Variants in MRPL30 observed in about 807,000 individuals in gnomAD.
MRPL30 encodes large ribosomal subunit protein uL30m.
Under a neutral mutation model 17.2 loss-of-function variants are expected in MRPL30, and 10 were observed. The ratio of observed to expected loss-of-function variants is 0.58; its 90% CI spans 0.36 to 0.99. The LOEUF (loss-of-function observed/expected upper bound fraction) is 0.99, where lower values mean the gene tolerates loss of function less well. Among genes scored for constraint, MRPL30 ranks in the 50% least tolerant of loss-of-function variants. The pLI, the probability that MRPL30 is intolerant of heterozygous loss-of-function variation, is 0.01. For synonymous variants in MRPL30, 61 were observed against 62.1 expected (o/e 0.98, Z 0.08); for missense variants, 170 against 189.8 (o/e 0.90, Z 0.61).
rs2093954720 is a variant in MRPL30, at chr2:99,196,072, C to T, written c.*367C>T. ...CTCCAGCCTGGGTGATAGGATGAGA[C>T]TCCATCTCAGGGGAAAAAAAAAAAT... On this transcript the variant is annotated 3_prime_UTR_variant, in exon 6 of 6. Transcript: ENST00000338148. 5.0e-6 allele frequency: 1 copy of T among 199,506 alleles called. No individual in the cohort carries two copies. Among genetic ancestry groups the T allele is most frequent in the Admixed American group, 6.4e-5 (1 of 15,744 alleles). The allele number at this position is 199,506 out of a possible 1,614,324, so 12.4% of individuals were successfully genotyped here.
chr2:99,189,236 C>T (rs2093939816), intron 3 of MRPL30, among the ~76,000 whole-genome samples: 1 of 152,198 alleles, frequency 6.6e-6, no homozygotes, highest in Non-Finnish European at 1.5e-5. Flanking sequence ...CATGTATCCA[C>T]TATTACAGTA....
Position 99,196,285 on chromosome 2 carries a change from T to C in MRPL30, c.*580T>C, listed in dbSNP as rs1225144450. The C allele has an allele frequency of 6.5e-6, 1 of 153,026 alleles. No homozygotes were observed. The highest frequency in any genetic ancestry group is 1.9e-4 in the East Asian group (1 of 5,196). 9.5% of individuals were successfully genotyped at this position (153,026 alleles called of 1,614,324 possible). A position where few individuals can be genotyped will look rare whatever the true frequency, so the allele number is the denominator to read the frequency against. ...TTAGCAAGCCTCATTAACCATTTTA[T>C]AAAAATTGCGTTAGTATTGTTGTTG... On this transcript the variant is annotated 3_prime_UTR_variant, in exon 6 of 6. Transcript: ENST00000338148.
intron 1 of MRPL30, among the ~76,000 whole-genome samples, chr2:99,184,190 T>C (rs894789884): frequency 2.6e-5 from 4 of 152,232 alleles, no homozygotes; most frequent in African/African-American, 9.6e-5. Flanking sequence ...GCAGTGTCAC[T>C]TTGACATACC....
chr2:99,192,096 C>A (rs773973879), intron 3 of MRPL30, among the ~76,000 whole-genome samples: 16 of 151,962 alleles, frequency 1.1e-4, no homozygotes, highest in Admixed American at 9.2e-4. Flanking sequence ...CCTTCCACAT[C>A]CTTCTTTGTT....
intron 2 of MRPL30, 126 bp downstream of exon 2, chr2:99,186,380 T>A: frequency 1.3e-6 from 1 of 785,334 alleles, no homozygotes. Context: ...TCACCCAGGC[T>A]GGAGTGCAGT....
intron 2 of MRPL30, among the ~76,000 whole-genome samples, chr2:99,187,968 A>G (rs577456783): frequency 6.6e-6 from 1 of 152,340 alleles, no homozygotes; most frequent in Admixed American, 6.5e-5. Flanking sequence ...ACGGTTACCA[A>G]TCCGTGGTCT....
At chr2:99,192,015 A>G (rs2093947216) in intron 3 of MRPL30, among the ~76,000 whole-genome samples, 1 of 152,072 alleles carries the variant, frequency 6.6e-6, no homozygotes, top group African/African-American at 2.4e-5. Context: ...ATCTCTAGAA[A>G]AATATAAACA....
intron 3 of MRPL30, among the ~76,000 whole-genome samples, chr2:99,191,252 C>A (rs1011804670): frequency 6.6e-6 from 1 of 152,034 alleles, no homozygotes; most frequent in Non-Finnish European, 1.5e-5. Context: ...TGATCCACCC[C>A]CCTTGGCCTC....
At chr2:99,188,047 A>G (rs2093936981) in intron 2 of MRPL30, 130 bp from the exon 3 acceptor site, 1 of 611,812 alleles carries the variant, frequency 1.6e-6, no homozygotes, top group Admixed American at 3.5e-5. Context: ...TCACTCAGCT[A>G]GGGAGCTAAG....
At position 99,188,785 on chromosome 2, in the gene MRPL30, C is replaced by T. The variant is rs2093938799; in HGVS notation, c.132+528C>T. On this transcript the variant is annotated intron_variant, in intron 3 of 5. Coordinates refer to ENST00000338148, the MANE Select transcript of MRPL30 (RefSeq NM_145212.4). ...GTGCAATCTCATCTCACTGCAACCT[C>T]CGTCTCCCGGGTTCAAACAGTTTTT... Among the ~76,000 whole-genome samples the T allele has an allele frequency of 1.3e-5, 2 of 152,060 alleles. 1 individual carries two copies. The highest frequency in any genetic ancestry group is 4.2e-4 in the South Asian group (2 of 4,814).
chr2:99,181,251 T>A lies in MRPL30; in HGVS notation c.-28+2T>A, dbSNP rs2105237680. The A allele has an allele frequency of 2.3e-6, 1 of 429,262 alleles. No individual in the cohort carries two copies. The highest frequency in any genetic ancestry group is 4.2e-6 in the Non-Finnish European group (1 of 237,744). 26.6% of individuals were successfully genotyped at this position (429,262 alleles called of 1,614,324 possible). On this transcript the variant is annotated splice_donor_variant, in intron 1 of 5. Coordinates refer to ENST00000338148, the MANE Select transcript of MRPL30 (RefSeq NM_145212.4). LOFTEE classifies it low-confidence loss of function (5UTR_SPLICE). ...AGGCTGAAGGTTTAGCGGGTGCCGG[T>A]GAGTGGGGAATGAGTGGCGGAGAGT...
chr2:99,181,797 G>C (rs959242765), intron 1 of MRPL30, among the ~76,000 whole-genome samples: 5 of 152,202 alleles, frequency 3.3e-5, no homozygotes, highest in African/African-American at 1.2e-4. Flanking sequence ...AATGAGGGCT[G>C]CCTACTGCTT....
chr2:99,187,840 A>G lies in MRPL30; in HGVS notation c.52-337A>G, dbSNP rs146062910. On this transcript the variant is annotated intron_variant, in intron 2 of 5. Transcript: ENST00000338148. ...GAGACTCCGTCTCAAAAAAAAAAAA[A>G]GAAAAGTTTGCATATTGTCTGACTG... 3.2e-3 allele frequency among the ~76,000 whole-genome samples: 494 copies of G among 152,154 alleles called. 2 individuals carry two copies. The highest frequency in any genetic ancestry group is 5.5e-3 in the Non-Finnish European group (373 of 67,984).
In MRPL30 at chr2:99,197,931, AC is replaced by A. The variant is rs1361219677; in HGVS notation, c.*2228del. Among the ~76,000 whole-genome samples the A allele has an allele frequency of 1.3e-5, 2 of 152,198 alleles. No individual in the cohort carries two copies. On this transcript the variant is annotated 3_prime_UTR_variant, in exon 6 of 6. Coordinates refer to ENST00000338148, the MANE Select transcript of MRPL30 (RefSeq NM_145212.4). Reference sequence around the variant, plus strand: ...AGTGCTGGGAATACAGGTGTGAGCCACCATACCTGGCCTTACTGTACTAATA... The same window carrying A: ...AGTGCTGGGAATACAGGTGTGAGCCACATACCTGGCCTTACTGTACTAATA...
At chr2:99,191,938 A>T (rs2093947070) in intron 3 of MRPL30, among the ~76,000 whole-genome samples, 1 of 151,680 alleles carries the variant, frequency 6.6e-6, no homozygotes, top group Admixed American at 6.6e-5. Context: ...AAATATTCTC[A>T]CCTTTCTTTA....
At chr2:99,190,312 C>T (rs933697943) in intron 3 of MRPL30, among the ~76,000 whole-genome samples, 3 of 152,176 alleles carry the variant, frequency 2.0e-5, no homozygotes, top group African/African-American at 7.2e-5. Context: ...GTATTCCTAG[C>T]ATTTTGGGAG....
chr2:99,192,125 T>C (rs977488408), intron 3 of MRPL30, among the ~76,000 whole-genome samples: 15 of 152,194 alleles, frequency 9.9e-5, no homozygotes, highest in Admixed American at 6.5e-5. Context: ...TATTTTTTTC[T>C]TTTAGACTAG....
chr2:99,183,255 C>G (rs2093928637), intron 1 of MRPL30, among the ~76,000 whole-genome samples: 1 of 152,004 alleles, frequency 6.6e-6, no homozygotes, highest in African/African-American at 2.4e-5. Flanking sequence ...TGCTGTACTA[C>G]AAAGACATGA....
chr2:99,185,733 A>G (rs1306151387), intron 1 of MRPL30: 1 of 433,552 alleles, frequency 2.3e-6, no homozygotes, highest in Admixed American at 2.5e-5. Flanking sequence ...TGATAGCTGG[A>G]TGCACTTGGA....
Sources: gnomAD v4.1 joint callset for allele counts (sites outside exome capture counted in the v4.1 genomes callset) on GRCh38, gnomAD v4.1.1 for gene constraint, MANE v1.5 for transcripts, NCBI Gene and HGNC (gene_info 2026-07-23, HGNC 2026-07-21) for gene names.